The following WNK1 variants were observed in gnomAD, a reference collection of about 807,000 sequenced individuals.
WNK1 encodes the protein serine/threonine-protein kinase WNK1.
In WNK1, 38 loss-of-function variants were observed where a neutral mutation model predicts 222.8. The observed-to-expected ratio is 0.17, with a 90% confidence interval of 0.13 to 0.22. The LOEUF (loss-of-function observed/expected upper bound fraction) is 0.22. Ranked by LOEUF, WNK1 falls within the 10% of genes least tolerant of loss-of-function variation. The probability of loss-of-function intolerance (pLI) is 1.00; values close to 1 mark genes in which losing one functional copy is unlikely to be tolerated. For missense variants in WNK1, 2,348 were observed against 2,918.4 expected (o/e 0.80, Z 4.50); for synonymous variants, 1,090 against 1,092.9 (o/e 1.00, Z 0.05).
intron 8 of WNK1, among the ~76,000 whole-genome samples, chr12:862,566 A>G (rs1172797740): frequency 2.6e-5 from 4 of 152,254 alleles, no homozygotes; most frequent in Admixed American, 6.5e-5. Context: ...CAAAAGCTGG[A>G]CATACAAATG....
chr12:855,018 A>G (rs1428868217), intron 4 of WNK1, among the ~76,000 whole-genome samples: 2 of 152,240 alleles, frequency 1.3e-5, no homozygotes, highest in Non-Finnish European at 2.9e-5. Flanking sequence ...CGTGGAAACC[A>G]TGAATAAGGA....
In WNK1 at chr12:753,924, A is replaced by G. The variant is rs773816207; in HGVS notation, c.359A>G (p.His120Arg). The G allele has an allele frequency of 1.2e-6, 2 of 1,607,350 alleles. No homozygotes were observed. The highest frequency in any genetic ancestry group is 1.7e-6 in the Non-Finnish European group (2 of 1,177,228). The change falls in exon 1 of 28, where the codon CAC becomes CGC. Residue 120 changes from histidine (H) to arginine (R), a missense_variant. His to Arg is a conservative substitution (Grantham distance 29). Transcript: ENST00000315939. This position sits in a 1 kb window ranked among gnomAD's most constrained non-coding sequence, Gnocchi z 5.2. ...CCGCAGAGTGCTCCACCGGAGCCCC[A>G]CCGGGAAGAGACCGTGACCGCCACC... is the stretch of plus-strand genomic sequence containing the variant. The part of the protein sequence containing the change: ...AVPQSAPPEP[H>R]REETVTATAT...
In WNK1 at chr12:885,660, A is replaced by G. The variant is rs1159092269; in HGVS notation, c.4856A>G (p.His1619Arg). The change falls in exon 19 of 28, where the codon CAT becomes CGT. Residue 1619 changes from histidine (H) to arginine (R), a missense_variant. His to Arg is a conservative substitution (Grantham distance 29). Around this residue, in one of 13 missense-constraint regions of WNK1, gnomAD observed 1,144 missense variants for 1,273.6 expected, o/e 0.90. Transcript: ENST00000315939. Reference sequence around the variant, plus strand: ...CCTGCTGTACAGCAGACACTAATTCATAGTCAGCCTCAACCAGCTTTGCTT... The same window carrying G: ...CCTGCTGTACAGCAGACACTAATTCGTAGTCAGCCTCAACCAGCTTTGCTT... Reference protein sequence around the residue: ...NVPAVQQTLIHSQPQPALLPN... With the variant: ...NVPAVQQTLIRSQPQPALLPN... The G allele has an allele frequency of 6.2e-7, 1 of 1,614,200 alleles. No homozygotes were observed. The highest frequency in any genetic ancestry group is 8.5e-7 in the Non-Finnish European group (1 of 1,180,032).
chr12:799,579 A>G (rs553029446), intron 1 of WNK1, among the ~76,000 whole-genome samples: 3 of 152,310 alleles, frequency 2.0e-5, no homozygotes, highest in African/African-American at 4.8e-5. Flanking sequence ...GGTGGCTTAC[A>G]CCTTGTAATC....
intron 26 of WNK1, 184 bp downstream of exon 26, chr12:900,854 C>T: frequency 1.3e-6 from 1 of 744,652 alleles, no homozygotes; most frequent in Non-Finnish European, 2.3e-6. Flanking sequence ...CTCACTGCTC[C>T]CATTAGGTGA....
chr12:783,976 T>C (rs867917144), intron 1 of WNK1, among the ~76,000 whole-genome samples: 25 of 89,460 alleles, frequency 2.8e-4, no homozygotes, highest in South Asian at 4.4e-4. Flanking sequence ...TCCCAGCTAC[T>C]GGGGAGGCTG....
intron 8 of WNK1, among the ~76,000 whole-genome samples, chr12:863,991 T>C (rs1951416223): frequency 6.6e-6 from 1 of 152,128 alleles, no homozygotes; most frequent in Admixed American, 6.5e-5. Context: ...AATGAAAACA[T>C]AGTTTCATAG....
intron 1 of WNK1, among the ~76,000 whole-genome samples, chr12:757,357 T>TTTCTCC (rs1172181129): frequency 3.2e-4 from 7 of 21,968 alleles, no homozygotes; most frequent in East Asian, 0.012. Flanking sequence ...GACGGAGTCT[T>TTTCTCC]GCTCTATCTC....
Position 753,271 on chromosome 12 carries a change from G to T in WNK1, c.-295G>T, listed in dbSNP as rs1939466936. ...ACCGCCCGCCCGGCCGCCGCTCGCC[G>T]CAGGATGGATGCGGACCGTGCGGCG... On this transcript the variant is annotated 5_prime_UTR_variant, in exon 1 of 28. Transcript: ENST00000315939. The surrounding 1 kb of genome is among the most constrained non-coding windows in gnomAD (Gnocchi z 5.2). The T allele has an allele frequency of 4.9e-6, 2 of 409,998 alleles. No homozygotes were observed. The highest frequency in any genetic ancestry group is 4.6e-5 in the Admixed American group (1 of 21,698). 25.4% of individuals were successfully genotyped at this position (409,998 alleles called of 1,614,324 possible).
chr12:835,317 A>G (rs1004279299), intron 4 of WNK1, among the ~76,000 whole-genome samples: 2 of 152,066 alleles, frequency 1.3e-5, no homozygotes, highest in Admixed American at 6.6e-5. Context: ...GAGCCTGGAC[A>G]ATAGAGTGAA....
Position 909,002 on chromosome 12 carries a change from A to G in WNK1, c.*210A>G. 1 of 625,786 alleles carries G rather than the reference A, an allele frequency of 1.6e-6. No homozygotes were observed. 38.8% of individuals were successfully genotyped at this position (625,786 alleles called of 1,614,324 possible). A position where few individuals can be genotyped will look rare whatever the true frequency, so the allele number is the denominator to read the frequency against. On this transcript the variant is annotated 3_prime_UTR_variant, in exon 28 of 28. Transcript: ENST00000315939. The stretch of plus-strand genomic sequence containing the variant: ...TATTGGAATGGGAGAGGAAGGAAAG[A>G]ACAGCTTTTTTGTCAAGGGGCAGCT...
intron 4 of WNK1, among the ~76,000 whole-genome samples, chr12:836,151 G>C (rs1393993113): frequency 6.6e-6 from 1 of 152,022 alleles, no homozygotes; most frequent in African/African-American, 2.4e-5. Context: ...TAATTAGGGA[G>C]GAAATATAAG....
chr12:858,026 T>C (rs1950917829), intron 5 of WNK1, among the ~76,000 whole-genome samples: 1 of 152,204 alleles, frequency 6.6e-6, no homozygotes, highest in African/African-American at 2.4e-5. Flanking sequence ...TTTTCACCTC[T>C]CCAGTCTCGT....
rs1947096875 is a variant in WNK1, at chr12:813,688, C to T, written c.806C>T (p.Ala269Val). The T allele has an allele frequency of 1.2e-6, 2 of 1,613,854 alleles. No homozygotes were observed. The highest frequency in any genetic ancestry group is 1.3e-5 in the African/African-American group (1 of 75,010). Residue 269 changes from alanine (A) to valine (V), a missense_variant, in exon 2 of 28, where the codon GCT becomes GTT. Ala to Val is a moderately conservative substitution (Grantham distance 64, BLOSUM62 0). Coordinates refer to ENST00000315939, the MANE Select transcript of WNK1 (RefSeq NM_018979.4). ...KSERQRFKEE[A>V]EMLKGLQHPN... is the part of the protein sequence containing the mutation. ...GAGAGGCAGAGATTTAAAGAAGAAG[C>T]TGAAATGTTAAAAGGTCTTCAGCAT... is the stretch of plus-strand genomic sequence containing the variant.
intron 1 of WNK1, among the ~76,000 whole-genome samples, chr12:811,566 C>T (rs1340280104): frequency 3.3e-5 from 5 of 152,024 alleles, no homozygotes; most frequent in Non-Finnish European, 7.4e-5. Context: ...AAATACTTGG[C>T]AAAAATTATT....
chr12:808,824 C>T (rs1045248975), intron 1 of WNK1, among the ~76,000 whole-genome samples: 2 of 146,258 alleles, frequency 1.4e-5, no homozygotes, highest in South Asian at 4.3e-4. Context: ...AATGCAATGG[C>T]GAGATCTCGA....
At chr12:874,593 A>G (rs1272260402) in intron 9 of WNK1, among the ~76,000 whole-genome samples, 3 of 152,214 alleles carry the variant, frequency 2.0e-5, no homozygotes, top group Admixed American at 2.0e-4. Flanking sequence ...AGGTATGACT[A>G]CTTTGAAAGA....
chr12:855,115 C>A (rs1211309998), intron 4 of WNK1, among the ~76,000 whole-genome samples: 4 of 152,144 alleles, frequency 2.6e-5, no homozygotes, highest in Non-Finnish European at 5.9e-5. Context: ...TTTCATAAGT[C>A]TTAAGTTTGA....
intron 9 of WNK1, among the ~76,000 whole-genome samples, chr12:874,180 G>A (rs1251661422): frequency 6.6e-6 from 1 of 151,838 alleles, no homozygotes; most frequent in Non-Finnish European, 1.5e-5. Flanking sequence ...CCGAAGTTGT[G>A]AACTACCTAC....
Sources: allele counts gnomAD v4.1 joint callset (sites outside exome capture counted in the v4.1 genomes callset), GRCh38; gene constraint gnomAD v4.1.1; regional missense constraint gnomAD v4.1.1; non-coding constraint Gnocchi (gnomAD v3.1); transcripts MANE v1.5; gene names NCBI Gene and HGNC (gene_info 2026-07-23, HGNC 2026-07-21).